IMPA1: variants seen among roughly 807,000 people sequenced by gnomAD.
IMPA1 encodes inositol monophosphatase 1.
In IMPA1, 21 loss-of-function variants were observed where a neutral mutation model predicts 34.9. That is an observed-to-expected ratio of 0.60 (90% CI 0.43 to 0.87). IMPA1 has a LOEUF of 0.87. IMPA1 is among the 40% of genes least tolerant of loss of function. IMPA1 has a pLI of 0.00. For missense variants in IMPA1, 299 were observed against 336.4 expected, an observed-to-expected ratio of 0.89 and a Z score of 0.87; for synonymous variants, 95 against 104.4, an observed-to-expected ratio of 0.91 and a Z score of 0.55.
rs576164139 is a variant in IMPA1, at chr8:81,675,440, T to C, written c.348+794A>G. ...TCTTTACCTGTTCACACATCTAACT[T>C]TGTGCTGAGCTGTTGAGTTCAGTGG... On this transcript the variant is annotated intron_variant, in intron 5 of 8. Coordinates refer to ENST00000256108, the MANE Select transcript of IMPA1 (RefSeq NM_005536.4). Among the ~76,000 whole-genome samples, 3 of 152,266 alleles carry C rather than the reference T, an allele frequency of 2.0e-5. No homozygotes were observed. In the East Asian group the frequency reaches 5.8e-4, roughly 29 times the overall value.
chr8:81,667,826 CTT>C (rs200451839), intron 7 of IMPA1, among the ~76,000 whole-genome samples: 25 of 139,876 alleles, frequency 1.8e-4, no homozygotes, highest in Non-Finnish European at 1.1e-4. Context: ...CTAAGGGTTT[CTT>C]TTTTTTTTTT....
chr8:81,660,905 CAAT>C (rs1451276153), intron 7 of IMPA1, among the ~76,000 whole-genome samples: 1 of 151,962 alleles, frequency 6.6e-6, no homozygotes, highest in Non-Finnish European at 1.5e-5. Context: ...AACATTAAAA[CAAT>C]AATTTTTCAT....
Position 81,657,244 on chromosome 8 carries a change from TATTAA to T in IMPA1, c.*2102_*2106del, listed in dbSNP as rs1284902886. ...ATTACAGGCAAAAAATAAGAACATA[TATTAA>T]ATTACATTTGCAAGTTTCAAATATT... On this transcript the variant is annotated 3_prime_UTR_variant, in exon 9 of 9. Transcript: ENST00000256108. 6.6e-6 allele frequency among the ~76,000 whole-genome samples: 1 copy of T among 152,112 alleles called. No homozygotes were observed. Among genetic ancestry groups the T allele is most frequent in the Non-Finnish European group, 1.5e-5 (1 of 68,032 alleles).
chr8:81,672,850 T>C (rs1205410330), intron 6 of IMPA1, among the ~76,000 whole-genome samples: 2 of 152,184 alleles, frequency 1.3e-5, no homozygotes, highest in African/African-American at 4.8e-5. Flanking sequence ...TTTGTAGTAA[T>C]TGGTCCTGGG....
chr8:81,671,886 G>A (rs1478908760), intron 6 of IMPA1, among the ~76,000 whole-genome samples: 1 of 152,170 alleles, frequency 6.6e-6, no homozygotes, highest in Non-Finnish European at 1.5e-5. Flanking sequence ...AACAGAGCAA[G>A]ACTCTGTCTC....
chr8:81,686,077 G>C, intron 1 of IMPA1, 175 bp downstream of exon 1: 2 of 957,760 alleles, frequency 2.1e-6, no homozygotes, highest in Non-Finnish European at 1.4e-6. Flanking sequence ...GTTCCCGGTC[G>C]CCCAGGGCAG....
At position 81,660,634 on chromosome 8, in the gene IMPA1, C is replaced by T. The variant is rs765899873; in HGVS notation, c.600G>A (p.Met200Ile). 23 of 1,613,096 alleles carry T rather than the reference C, an allele frequency of 1.4e-5. No homozygotes were observed. The Admixed American group carries it at 2.3e-4, about 16-fold the overall frequency. Reference protein sequence around the residue: ...IRSVGTAAVNMCLVATGGADA... With the variant: ...IRSVGTAAVNICLVATGGADA... ...CTGCTCCGCCAGTTGCCACAAGGCA[C>T]ATATTAACAGCTGCTGTTCCAACAC... Residue 200 changes from methionine (M) to isoleucine (I), a missense_variant, in exon 8 of 9, where the codon ATG becomes ATA. By Grantham distance (10) the Met-to-Ile change is conservative (BLOSUM62 1). Transcript: ENST00000256108.
chr8:81,667,168 A>C (rs536113889), intron 7 of IMPA1, among the ~76,000 whole-genome samples: 46 of 152,252 alleles, frequency 3.0e-4, no homozygotes, highest in African/African-American at 1.1e-3. Flanking sequence ...CTATATACTG[A>C]ATGTCATACC....
intron 1 of IMPA1, among the ~76,000 whole-genome samples, chr8:81,685,291 T>C (rs922471777): frequency 7.3e-6 from 1 of 136,120 alleles, no homozygotes; most frequent in African/African-American, 2.7e-5. Context: ...ATATAGTATA[T>C]ATACTATACA....
chr8:81,669,984 C>T (rs570573689), intron 7 of IMPA1, among the ~76,000 whole-genome samples: 1 of 152,336 alleles, frequency 6.6e-6, no homozygotes, highest in African/African-American at 2.4e-5. Context: ...CACCATGTCA[C>T]ATTCTGTGCT....
intron 4 of IMPA1, among the ~76,000 whole-genome samples, chr8:81,678,151 T>G (rs191617557): frequency 6.6e-4 from 101 of 152,240 alleles, no homozygotes; most frequent in African/African-American, 2.2e-3. Flanking sequence ...TGCACGTCTA[T>G]TCATCCTAAC....
At position 81,657,149 on chromosome 8, in the gene IMPA1, C is replaced by T. The variant is rs1191363022; in HGVS notation, c.*2202G>A. Among the ~76,000 whole-genome samples, 2 of 152,004 alleles carry T rather than the reference C, an allele frequency of 1.3e-5. No individual in the cohort carries two copies. The highest frequency in any genetic ancestry group is 4.8e-5 in the African/African-American group (2 of 41,390). On this transcript the variant is annotated 3_prime_UTR_variant, in exon 9 of 9. Transcript: ENST00000256108. ...GAAATTTCAGACACAAAATATGCAA[C>T]TGCATTTAGAATAAACAGATGGAAA... is the stretch of plus-strand genomic sequence containing the variant.
At chr8:81,661,681 A>G (rs1480273326) in intron 7 of IMPA1, among the ~76,000 whole-genome samples, 1 of 152,258 alleles carries the variant, frequency 6.6e-6, no homozygotes, top group African/African-American at 2.4e-5. Context: ...TGGATGTTGG[A>G]TTAAAATTTT....
intron 6 of IMPA1, among the ~76,000 whole-genome samples, chr8:81,672,497 G>A (rs1807014254): frequency 6.6e-6 from 1 of 152,182 alleles, no homozygotes; most frequent in Non-Finnish European, 1.5e-5. Context: ...ACAGTGTATA[G>A]CCAATCACTA....
chr8:81,678,939 T>C (rs2130311416), intron 4 of IMPA1, among the ~76,000 whole-genome samples, 187 bp downstream of exon 4: 1 of 152,292 alleles, frequency 6.6e-6, no homozygotes. Flanking sequence ...CTTTACCTCC[T>C]CCATATCTGA....
At chr8:81,661,972 A>G (rs527702136) in intron 7 of IMPA1, among the ~76,000 whole-genome samples, 6 of 152,350 alleles carry the variant, frequency 3.9e-5, no homozygotes, top group African/African-American at 1.4e-4. Context: ...AAAACTGATG[A>G]CTAATGTGGC....
chr8:81,662,745 G>A (rs984891612), intron 7 of IMPA1, among the ~76,000 whole-genome samples: 1 of 152,170 alleles, frequency 6.6e-6, no homozygotes, highest in Non-Finnish European at 1.5e-5. Context: ...CTAGCAGAGT[G>A]CCTAGCATAT....
At chr8:81,664,647 C>T (rs551738379) in intron 7 of IMPA1, among the ~76,000 whole-genome samples, 2 of 151,536 alleles carry the variant, frequency 1.3e-5, no homozygotes, top group South Asian at 4.2e-4. Flanking sequence ...AGCTGTGATT[C>T]TGAAGGAGAA....
intron 1 of IMPA1, among the ~76,000 whole-genome samples, chr8:81,684,052 T>G (rs1347109653): frequency 6.6e-6 from 1 of 151,662 alleles, no homozygotes; most frequent in Non-Finnish European, 1.5e-5. Flanking sequence ...CCAAGATTCC[T>G]GTCAAGGGCT....
Sources: allele counts gnomAD v4.1 joint callset (sites outside exome capture counted in the v4.1 genomes callset), GRCh38; gene constraint gnomAD v4.1.1; transcripts MANE v1.5; gene names NCBI Gene and HGNC (gene_info 2026-07-23, HGNC 2026-07-21).